Variants in SCYL1 observed in about 807,000 individuals in gnomAD.
The protein encoded by SCYL1 is N-terminal kinase-like protein.
A neutral mutation model predicts 94.8 loss-of-function variants in SCYL1; 85 were observed. That is an observed-to-expected ratio of 0.90 (90% confidence interval 0.75 to 1.07). The LOEUF is 1.07. Ranked by LOEUF, SCYL1 falls within the 50% of genes least tolerant of loss-of-function variation. SCYL1 has a pLI of 0.00. For missense variants in SCYL1, 968 were observed against 1,083.3 expected, an observed-to-expected ratio of 0.89 and a Z score of 1.49; for synonymous variants, 459 against 435.5, an observed-to-expected ratio of 1.05 and a Z score of -0.67.
chr11:65,532,063 A>C (rs1855400117), intron 8 of SCYL1, among the ~76,000 whole-genome samples: 1 of 152,116 alleles, frequency 6.6e-6, no homozygotes, highest in South Asian at 2.1e-4. Context: ...CACCAAACAC[A>C]CCAGTCCTCC....
intron 12 of SCYL1, 45 bp from the exon 13 acceptor site, chr11:65,536,541 T>G (rs776693602): frequency 5.0e-6 from 8 of 1,603,590 alleles, no homozygotes; most frequent in South Asian, 4.4e-5. Context: ...CACCCATGGG[T>G]GCCTGACGTG....
chr11:65,538,465 C>CG lies in SCYL1; in HGVS notation c.2328dup (p.Lys777GlufsTer57). 6.4e-7 allele frequency: 1 copy of CG among 1,573,634 alleles called. No individual in the cohort carries two copies. The highest frequency in any genetic ancestry group is 8.6e-7 in the Non-Finnish European group (1 of 1,161,830). ...AGGACAGGTCAAGGCTGAGCTGGCC[C>CG]GGAAGAAGCGCGAGGAGCGGCGGCG... On this transcript the variant is annotated frameshift_variant, in exon 18 of 18. Transcript: ENST00000270176. LOFTEE classifies it high-confidence loss of function.
Position 65,532,671 on chromosome 11 carries a change from G to A in SCYL1, c.1117-21G>A, listed in dbSNP as rs754987977. The A allele has an allele frequency of 7.6e-6, 12 of 1,577,282 alleles. No homozygotes were observed. The South Asian group carries it at 1.0e-4, about 13-fold the overall frequency. ...AGTGGGAAGGGCTGACCATGTTGAC[G>A]CATCCCAACCTGGGCCACAGATGGA... is the stretch of plus-strand genomic sequence containing the variant. On this transcript the variant is annotated intron_variant, in intron 8 of 17. Transcript: ENST00000270176.
chr11:65,525,294 G>A (rs985179863), intron 1 of SCYL1, 30 bp downstream of exon 1: 5 of 1,365,880 alleles, frequency 3.7e-6, no homozygotes, highest in Admixed American at 3.3e-5. Flanking sequence ...GTAGGCCGCG[G>A]TCGACCTGGG....
At chr11:65,525,363 G>T in intron 1 of SCYL1, 99 bp downstream of exon 1, 1 of 1,108,504 alleles carries the variant, frequency 9.0e-7, no homozygotes, top group South Asian at 1.7e-5. Flanking sequence ...CGTGGCGGCG[G>T]AACCAAGGGG....
intron 6 of SCYL1, among the ~76,000 whole-genome samples, chr11:65,527,731 CAAAA>C (rs35335117): frequency 1.1e-5 from 1 of 88,664 alleles, no homozygotes; most frequent in African/African-American, 4.1e-5. Flanking sequence ...GACTTCGTCT[CAAAA>C]AAAAAAAAAA....
In SCYL1 at chr11:65,536,337, G is replaced by A; in HGVS notation, c.1651+3G>A. ...CCCGACCCAGCTGGAGGAAGTGGGT[G>A]AGTGGCTTACACTCGTGTTCCCTCT... On this transcript the variant is annotated splice_donor_region_variant and intron_variant, in intron 12 of 17. Coordinates refer to ENST00000270176, the MANE Select transcript of SCYL1 (RefSeq NM_020680.4). The A allele has an allele frequency of 6.2e-7, 1 of 1,613,876 alleles. No homozygotes were observed. The highest frequency in any genetic ancestry group is 8.5e-7 in the Non-Finnish European group (1 of 1,179,760).
chr11:65,535,465 G>A, intron 10 of SCYL1, 83 bp downstream of exon 10: 3 of 1,532,388 alleles, frequency 2.0e-6, no homozygotes, highest in East Asian at 2.3e-5. Flanking sequence ...TTGTGTGTGG[G>A]GGCCTTCATT....
In SCYL1 at chr11:65,530,881, C is replaced by G. The variant is rs1855329055; in HGVS notation, c.1008+94C>G. 7 of 1,403,164 alleles carry G rather than the reference C, an allele frequency of 5.0e-6. No homozygotes were observed. The South Asian group carries it at 5.6e-5, about 11-fold the overall frequency. The allele number at this position is 1,403,164 out of a possible 1,614,324, so 86.9% of individuals were successfully genotyped here. ...GTAGGGCAGGCTGTTTAGGGCAGAC[C>G]CAAGCCCATATGAGCAGGAGCTTCC... On this transcript the variant is annotated intron_variant, in intron 7 of 17. Transcript: ENST00000270176.
chr11:65,529,522 C>G (rs1032573626), intron 6 of SCYL1, among the ~76,000 whole-genome samples: 1 of 152,210 alleles, frequency 6.6e-6, no homozygotes, highest in African/African-American at 2.4e-5. Context: ...GGCCTTGGCC[C>G]CGCTGAACCA....
In SCYL1 at chr11:65,536,006, T is replaced by G; in HGVS notation, c.1440T>G (p.Phe480Leu). The G allele has an allele frequency of 6.2e-7, 1 of 1,613,682 alleles. No homozygotes were observed. Among genetic ancestry groups the G allele is most frequent in the Non-Finnish European group, 8.5e-7 (1 of 1,179,756 alleles). The change falls in exon 11 of 18, where the codon TTT becomes TTG. Residue 480 changes from phenylalanine to leucine, a missense_variant. By Grantham distance (22) the Phe-to-Leu change is conservative. Transcript: ENST00000270176. ...TCAGCCGAGCCACTAGGGACCCGTT[T>G]GCACCGTCCCGGGTTGCGGGTGTCC... is the stretch of plus-strand genomic sequence containing the variant. ...SAFSRATRDPFAPSRVAGVLG... is the reference protein window; with the variant it reads ...SAFSRATRDPLAPSRVAGVLG...
At position 65,525,235 on chromosome 11, in the gene SCYL1, C is replaced by T; in HGVS notation, c.82C>T (p.Pro28Ser). 1 of 1,457,424 alleles carries T rather than the reference C, an allele frequency of 6.9e-7. No homozygotes were observed. The highest frequency in any genetic ancestry group is 9.1e-7 in the Non-Finnish European group (1 of 1,101,820). The allele number at this position is 1,457,424 out of a possible 1,614,324, so 90.3% of individuals were successfully genotyped here. Residue 28 changes from proline to serine, a missense_variant, in exon 1 of 18, where the codon CCC becomes TCC. Pro to Ser is a moderately conservative substitution (Grantham distance 74). Coordinates refer to ENST00000270176, the MANE Select transcript of SCYL1 (RefSeq NM_020680.4). Reference protein sequence around the residue: ...PEPPEGGLPGPWALHRGRKKA... With the variant: ...PEPPEGGLPGSWALHRGRKKA... ...GCCCCCAGAGGGCGGCCTGCCCGGGCCCTGGGCCCTGCACCGCGGCCGCAA... is the reference window on the plus strand; with the variant it reads ...GCCCCCAGAGGGCGGCCTGCCCGGGTCCTGGGCCCTGCACCGCGGCCGCAA...
At position 65,526,800 on chromosome 11, in the gene SCYL1, G is replaced by A. The variant is rs555914644; in HGVS notation, c.620G>A (p.Arg207His). 18 of 1,612,812 alleles carry A rather than the reference G, an allele frequency of 1.1e-5. 1 individual carries two copies. The Middle Eastern group carries it at 5.0e-4, about 44-fold the overall frequency. ...TGCCACAGGTCAGCAGACATGTGGC[G>A]CTTGGGCTGCCTCATTTGGGAAGTC... Reference protein sequence around the residue: ...VREKWSADMWRLGCLIWEVFN... With the variant: ...VREKWSADMWHLGCLIWEVFN... The change falls in exon 5 of 18, where the codon CGC (arginine) becomes CAC (histidine). Residue 207 changes from arginine (R) to histidine (H), a missense_variant. Arg to His is a conservative substitution (Grantham distance 29). This residue lies in a region of SCYL1 where 494 missense variants were observed against 619.7 expected (regional missense o/e 0.80). Coordinates refer to ENST00000270176, the MANE Select transcript of SCYL1 (RefSeq NM_020680.4). This position sits in a 1 kb window ranked among gnomAD's most constrained non-coding sequence, Gnocchi z 4.1.
At position 65,535,774 on chromosome 11, in the gene SCYL1, T is replaced by G. The variant is rs976836381; in HGVS notation, c.1387-179T>G. 13 of 654,422 alleles carry G rather than the reference T, an allele frequency of 2.0e-5. 1 individual carries two copies. In the African/African-American group the frequency reaches 2.0e-4, roughly 10 times the overall value. 40.5% of individuals were successfully genotyped at this position (654,422 alleles called of 1,614,324 possible). ...CTGAGGCAGTGTGGAACCCAGTGATTTGGGAAGAGAAGCCCAGGTCCAGAG... is the reference window on the plus strand; with the variant it reads ...CTGAGGCAGTGTGGAACCCAGTGATGTGGGAAGAGAAGCCCAGGTCCAGAG... On this transcript the variant is annotated intron_variant, in intron 10 of 17. Transcript: ENST00000270176.
chr11:65,525,865 A>C (rs773735041), intron 2 of SCYL1, 56 bp from the exon 3 acceptor site: 9 of 1,590,948 alleles, frequency 5.7e-6, no homozygotes, highest in Admixed American at 1.7e-5. Context: ...CAAGTCGCTT[A>C]TCTCTCCTTC....
At chr11:65,534,686 G>C (rs2135077979) in intron 9 of SCYL1, among the ~76,000 whole-genome samples, 1 of 152,318 alleles carries the variant, frequency 6.6e-6, no homozygotes, top group South Asian at 2.1e-4. Flanking sequence ...TAGGGCAAGA[G>C]TGTTAGATAG....
In SCYL1 at chr11:65,525,102, G is replaced by T; in HGVS notation, c.-52G>T. 1 of 1,213,042 alleles carries T rather than the reference G, an allele frequency of 8.2e-7. No individual in the cohort carries two copies. Among genetic ancestry groups the T allele is most frequent in the Non-Finnish European group, 1.1e-6 (1 of 946,872 alleles). The allele number at this position is 1,213,042 out of a possible 1,614,324, so 75.1% of individuals were successfully genotyped here. ...CTCTCCGCCCCGCCCCGGCTCGGGC[G>T]GCCGGAGGACCCGGAGCTAAGGCGC... On this transcript the variant is annotated 5_prime_UTR_variant, in exon 1 of 18. Transcript: ENST00000270176.
At chr11:65,531,854 T>A (rs1182836029) in intron 8 of SCYL1, among the ~76,000 whole-genome samples, 171 bp downstream of exon 8, 1 of 152,190 alleles carries the variant, frequency 6.6e-6, no homozygotes, top group Non-Finnish European at 1.5e-5. Flanking sequence ...CATACAGGGC[T>A]CCTTGGCAGT....
intron 13 of SCYL1, 46 bp downstream of exon 13, chr11:65,536,796 G>A (rs1272941091): frequency 6.4e-7 from 1 of 1,552,526 alleles, no homozygotes; most frequent in Non-Finnish European, 8.8e-7. Context: ...AGGGCTGAGA[G>A]CTGCAGGCAC....
Sources: gnomAD v4.1 joint callset for allele counts (sites outside exome capture counted in the v4.1 genomes callset) on GRCh38, gnomAD v4.1.1 for gene constraint, gnomAD v4.1.1 regional missense constraint, Gnocchi (gnomAD v3.1) non-coding constraint, MANE v1.5 for transcripts, NCBI Gene and HGNC (gene_info 2026-07-23, HGNC 2026-07-21) for gene names.